The following MTSS1 variants were observed in gnomAD, a reference collection of about 807,000 sequenced individuals.
MTSS1 encodes the protein protein MTSS 1.
MTSS1 carries 18 observed loss-of-function variants against 79.0 expected under a neutral mutation model. The observed-to-expected ratio is 0.23, with a 90% CI of 0.16 to 0.34. MTSS1 has a LOEUF of 0.34. Among genes scored for constraint, MTSS1 ranks in the 10% least tolerant of loss-of-function variants. The probability of loss-of-function intolerance (pLI) is 1.00; values close to 1 mark genes in which losing one functional copy is unlikely to be tolerated. For missense variants in MTSS1, 815 were observed against 986.2 expected (o/e 0.83, Z 2.33); for synonymous variants, 341 against 368.6 (o/e 0.93, Z 0.86).
At position 124,728,293 on chromosome 8, in the gene MTSS1, C is replaced by T. The variant is rs189545243; in HGVS notation, c.-338G>A. The stretch of plus-strand genomic sequence containing the variant: ...ATCTTGATGCAGAGAAAATCGCCCG[C>T]TGACCCGGGGCCAGCGCCATTGAAA... On this transcript the variant is annotated 5_prime_UTR_variant, in exon 1 of 14. Coordinates refer to ENST00000518547, the MANE Select transcript of MTSS1 (RefSeq NM_014751.6). This position sits in a 1 kb window ranked among gnomAD's most constrained non-coding sequence, Gnocchi z 6.1. 1.4e-5 allele frequency: 3 copies of T among 218,444 alleles called. No homozygotes were observed. Among genetic ancestry groups the T allele is most frequent in the Admixed American group, 1.2e-4 (2 of 17,256 alleles). 13.5% of individuals were successfully genotyped at this position (218,444 alleles called of 1,614,324 possible). A position where few individuals can be genotyped will look rare whatever the true frequency, so the allele number is the denominator to read the frequency against.
intron 3 of MTSS1, among the ~76,000 whole-genome samples, chr8:124,593,077 C>T (rs1422219165): frequency 1.3e-5 from 2 of 152,198 alleles, no homozygotes; most frequent in East Asian, 3.8e-4. Context: ...GCCATCTCAG[C>T]GTTGCCATCT....
chr8:124,637,337 G>T (rs1817198154), intron 3 of MTSS1, among the ~76,000 whole-genome samples: 2 of 152,212 alleles, frequency 1.3e-5, no homozygotes, highest in Non-Finnish European at 1.5e-5. Context: ...AGAGTCAGGG[G>T]AGTTTTGGGA....
Position 124,553,577 on chromosome 8 carries a change from C to A in MTSS1, c.1683G>T (p.Met561Ile). 1 of 1,614,192 alleles carries A rather than the reference C, an allele frequency of 6.2e-7. No individual in the cohort carries two copies. The change falls in exon 14 of 14, where the codon ATG (methionine) becomes ATT (isoleucine). Residue 561 changes from methionine to isoleucine, a missense_variant. By Grantham distance (10) the Met-to-Ile change is conservative. Around this residue, in one of 2 missense-constraint regions of MTSS1, gnomAD observed 590 missense variants for 620.8 expected, o/e 0.95. Coordinates refer to ENST00000518547, the MANE Select transcript of MTSS1 (RefSeq NM_014751.6). The surrounding 1 kb of genome is among the most constrained non-coding windows in gnomAD (Gnocchi z 6.0). ...TTGAGGCTGGACGCTTGGCTTGGAACATCCGTCGGTAGGACTGGCTGATGT... is the reference window on the plus strand; with the variant it reads ...TTGAGGCTGGACGCTTGGCTTGGAAAATCCGTCGGTAGGACTGGCTGATGT... ...NSDISQSYRR[M>I]FQAKRPASTA...
rs180684970 is a variant in MTSS1, at chr8:124,580,574, G to T, written c.460+4513C>A. On this transcript the variant is annotated intron_variant, in intron 6 of 13. Coordinates refer to ENST00000518547, the MANE Select transcript of MTSS1 (RefSeq NM_014751.6). ...ACCAAGAGTGTCCACTGGCGGGGGGGCACACGGTGAGAAAGTGCAGGATAC... is the reference window on the plus strand; with the variant it reads ...ACCAAGAGTGTCCACTGGCGGGGGGTCACACGGTGAGAAAGTGCAGGATAC... 1.7e-5 allele frequency: 26 copies of T among 1,535,720 alleles called. No homozygotes were observed. The Admixed American group carries it at 5.1e-4, about 30-fold the overall frequency.
intron 5 of MTSS1, among the ~76,000 whole-genome samples, chr8:124,588,757 C>G (rs528385214): frequency 3.7e-4 from 57 of 152,354 alleles, no homozygotes; most frequent in African/African-American, 1.2e-3. Context: ...CTCTGTCACC[C>G]AGGCTGGAGT....
intron 3 of MTSS1, among the ~76,000 whole-genome samples, chr8:124,595,278 T>C (rs1377098586): frequency 6.6e-6 from 1 of 152,228 alleles, no homozygotes; most frequent in Non-Finnish European, 1.5e-5. Flanking sequence ...CTGTAATAAA[T>C]GACCACGAGC....
intron 3 of MTSS1, among the ~76,000 whole-genome samples, chr8:124,636,186 G>A (rs1816958752): frequency 6.6e-6 from 1 of 152,192 alleles, no homozygotes; most frequent in African/African-American, 2.4e-5. Flanking sequence ...CTGGAGTGCA[G>A]TGGCACGATC....
chr8:124,707,581 C>T (rs1056788005), intron 1 of MTSS1, among the ~76,000 whole-genome samples: 1 of 152,006 alleles, frequency 6.6e-6, no homozygotes, highest in Admixed American at 6.6e-5. Flanking sequence ...TGGTAGCAGG[C>T]ACCTGTAATC....
chr8:124,564,988 G>A (rs1031710764), intron 9 of MTSS1, among the ~76,000 whole-genome samples: 1 of 152,228 alleles, frequency 6.6e-6, no homozygotes, highest in Non-Finnish European at 1.5e-5. Flanking sequence ...TACCAAGAGA[G>A]ATAGATGGTA....
chr8:124,717,002 T>TAC (rs1554737174), intron 1 of MTSS1, among the ~76,000 whole-genome samples: 3 of 132,394 alleles, frequency 2.3e-5, no homozygotes, highest in Admixed American at 7.6e-5. Flanking sequence ...TTATAATTAG[T>TAC]AAAAAAAAAA....
chr8:124,629,517 A>G (rs1587420764), intron 3 of MTSS1, among the ~76,000 whole-genome samples: 1 of 151,234 alleles, frequency 6.6e-6, no homozygotes. Flanking sequence ...AAAAAAAAAA[A>G]AAAAAAAAAG....
At chr8:124,688,431 ATGAAT>A (rs777537897) in intron 3 of MTSS1, among the ~76,000 whole-genome samples, 1 of 152,240 alleles carries the variant, frequency 6.6e-6, no homozygotes, top group African/African-American at 2.4e-5. Context: ...GTGCATGTAG[ATGAAT>A]TGAAGGCAAT....
At chr8:124,625,058 C>T (rs1301346122) in intron 3 of MTSS1, among the ~76,000 whole-genome samples, 1 of 152,190 alleles carries the variant, frequency 6.6e-6, no homozygotes, top group Non-Finnish European at 1.5e-5. Flanking sequence ...CAAATCTTTT[C>T]TTTTCAGAGA....
intron 3 of MTSS1, among the ~76,000 whole-genome samples, chr8:124,659,124 C>G (rs1049789156): frequency 2.0e-5 from 3 of 152,074 alleles, no homozygotes; most frequent in Admixed American, 2.0e-4. Flanking sequence ...TACAAGAACT[C>G]AACACTAGTT....
At chr8:124,627,672 G>GT (rs1814973469) in intron 3 of MTSS1, among the ~76,000 whole-genome samples, 3 of 151,632 alleles carry the variant, frequency 2.0e-5, no homozygotes, top group African/African-American at 7.3e-5. Flanking sequence ...GCCAGGGGTG[G>GT]CGGGGGGGTC....
chr8:124,685,574 G>A (rs1246674671), intron 3 of MTSS1, among the ~76,000 whole-genome samples: 1 of 152,164 alleles, frequency 6.6e-6, no homozygotes, highest in South Asian at 2.1e-4. Flanking sequence ...GTCTGCAGGT[G>A]AGGGAAGGGA....
chr8:124,568,064 G>A, intron 7 of MTSS1: 2 of 953,930 alleles, frequency 2.1e-6, no homozygotes, highest in East Asian at 2.8e-5. Flanking sequence ...GTCTGGGTTG[G>A]GCCCAAGAAC....
rs574033077 is a variant in MTSS1 at position 124,659,072 on chromosome 8, C to A, written c.208+40454G>T. On this transcript the variant is annotated intron_variant, in intron 3 of 13. Transcript: ENST00000518547. ...TTGAACTTTGTTTTAGAGGATACCT[C>A]TTAATATTAACCTGCCAACTGAACT... 2.6e-5 allele frequency among the ~76,000 whole-genome samples: 4 copies of A among 152,308 alleles called. No homozygotes were observed. In the South Asian group the frequency reaches 8.3e-4, roughly 32 times the overall value.
At chr8:124,557,924 A>C in intron 10 of MTSS1, 49 bp from the exon 11 acceptor site, 3 of 1,421,174 alleles carry the variant, frequency 2.1e-6, no homozygotes, top group East Asian at 2.5e-5. Flanking sequence ...AATTAATATA[A>C]CAGGATGAGT....
Sources: gnomAD v4.1 joint callset for allele counts (sites outside exome capture counted in the v4.1 genomes callset) on GRCh38, gnomAD v4.1.1 for gene constraint, gnomAD v4.1.1 regional missense constraint, Gnocchi (gnomAD v3.1) non-coding constraint, MANE v1.5 for transcripts, NCBI Gene and HGNC (gene_info 2026-07-23, HGNC 2026-07-21) for gene names.